The following LYPD6B variants were observed in gnomAD, a reference collection of about 807,000 sequenced individuals.
The protein encoded by LYPD6B is LY6/PLAUR domain containing 6B.
LYPD6B carries 17 observed loss-of-function variants against 22.8 expected under a neutral mutation model. That is an observed-to-expected ratio of 0.75 (90% CI 0.51 to 1.12). The LOEUF (loss-of-function observed/expected upper bound fraction) is 1.12, where lower values mean the gene tolerates loss of function less well. Ranked by LOEUF, LYPD6B falls within the 50% of genes most tolerant of loss-of-function variation. The probability of loss-of-function intolerance (pLI) is 0.00; values close to 1 mark genes in which losing one functional copy is unlikely to be tolerated. For missense variants in LYPD6B, 221 were observed against 258.3 expected (o/e 0.86, Z 0.99); for synonymous variants, 106 against 91.6 (o/e 1.16, Z -0.90).
intron 1 of LYPD6B, among the ~76,000 whole-genome samples, chr2:149,121,629 T>C (rs1687364859): frequency 6.6e-6 from 1 of 152,052 alleles, no homozygotes; most frequent in South Asian, 2.1e-4. Context: ...GAGAGGAACA[T>C]AGTGTTTCAT....
intron 2 of LYPD6B, chr2:149,141,975 A>T (rs1688721044): frequency 6.6e-6 from 1 of 152,194 alleles, no homozygotes; most frequent in Non-Finnish European, 1.5e-5. Context: ...AGAAAATAGT[A>T]CTAATTTGGA....
intron 2 of LYPD6B, among the ~76,000 whole-genome samples, chr2:149,140,615 T>C (rs1255778856): frequency 1.3e-5 from 2 of 152,224 alleles, no homozygotes; most frequent in Non-Finnish European, 2.9e-5. Flanking sequence ...AAATAATCTC[T>C]TTAAGCTTAT....
chr2:149,157,215 T>A (rs1293779235), intron 2 of LYPD6B, among the ~76,000 whole-genome samples: 1 of 152,110 alleles, frequency 6.6e-6, no homozygotes, highest in Admixed American at 6.5e-5. Flanking sequence ...TATGGGAATG[T>A]CTCCTGTTTT....
At chr2:149,131,427 A>T (rs1688022196) in intron 2 of LYPD6B, 1 of 152,526 alleles carries the variant, frequency 6.6e-6, no homozygotes, top group Non-Finnish European at 1.5e-5. Context: ...GGCAGGACCA[A>T]GTAAAAAGAC....
chr2:149,175,061 C>CTCTCTCTCTCTCTCTG (rs1454802925), intron 3 of LYPD6B, among the ~76,000 whole-genome samples: 1 of 113,080 alleles, frequency 8.8e-6, no homozygotes, highest in Non-Finnish European at 1.8e-5. Flanking sequence ...CTCTCTCTCT[C>CTCTCTCTCTCTCTCTG]TGTGTGTGTG....
At chr2:149,142,744 T>A (rs1285482864) in intron 2 of LYPD6B, among the ~76,000 whole-genome samples, 1 of 152,088 alleles carries the variant, frequency 6.6e-6, no homozygotes, top group Non-Finnish European at 1.5e-5. Context: ...TCTCAAGTGA[T>A]CCTTCCATCT....
At chr2:149,084,076 G>A (rs1293212363) in intron 1 of LYPD6B, among the ~76,000 whole-genome samples, 1 of 151,888 alleles carries the variant, frequency 6.6e-6, no homozygotes, top group Non-Finnish European at 1.5e-5. Context: ...TCCTGCCTGG[G>A]CGACAGAGCG....
chr2:149,151,764 T>C (rs111912634), intron 2 of LYPD6B, among the ~76,000 whole-genome samples: 54 of 152,326 alleles, frequency 3.5e-4, no homozygotes, highest in African/African-American at 1.2e-3. Flanking sequence ...GATTCTGATG[T>C]ACATCCCAGC....
At chr2:149,175,061 C>CTCTCTCTCTCTCTCTCTGTGTG (rs1454802925) in intron 3 of LYPD6B, among the ~76,000 whole-genome samples, 8 of 113,080 alleles carry the variant, frequency 7.1e-5, no homozygotes, top group East Asian at 5.8e-4. Flanking sequence ...CTCTCTCTCT[C>CTCTCTCTCTCTCTCTCTGTGTG]TGTGTGTGTG....
intron 2 of LYPD6B, among the ~76,000 whole-genome samples, chr2:149,144,365 A>G (rs1688881885): frequency 6.6e-6 from 1 of 151,986 alleles, no homozygotes; most frequent in Non-Finnish European, 1.5e-5. Context: ...CCTTTAGATG[A>G]AAGACTAGTT....
intron 1 of LYPD6B, among the ~76,000 whole-genome samples, chr2:149,073,770 C>T (rs1488562644): frequency 1.3e-5 from 2 of 151,976 alleles, no homozygotes; most frequent in African/African-American, 4.8e-5. Flanking sequence ...CACTCAGATT[C>T]TCTCCAGCCT....
At chr2:149,189,878 T>A (rs1190320815) in intron 3 of LYPD6B, among the ~76,000 whole-genome samples, 2 of 152,212 alleles carry the variant, frequency 1.3e-5, no homozygotes, top group Non-Finnish European at 2.9e-5. Context: ...AATGCTATTT[T>A]GTACCATCTG....
At chr2:149,040,225 T>TC (rs1477984352) in intron 1 of LYPD6B, among the ~76,000 whole-genome samples, 69 of 151,124 alleles carry the variant, frequency 4.6e-4, no homozygotes, top group Non-Finnish European at 8.9e-4. Context: ...CTCTCTCTTT[T>TC]TTTTTTTTTC....
intron 1 of LYPD6B, among the ~76,000 whole-genome samples, chr2:149,103,592 T>G (rs757604948): frequency 6.6e-6 from 1 of 152,020 alleles, no homozygotes; most frequent in Non-Finnish European, 1.5e-5. Flanking sequence ...ATCAAGATAA[T>G]GAACACATTC....
chr2:149,086,501 C>T (rs1264660307), intron 1 of LYPD6B, among the ~76,000 whole-genome samples: 1 of 152,180 alleles, frequency 6.6e-6, no homozygotes. Context: ...GCTACTCTCT[C>T]CTTCCTTTTG....
chr2:149,202,432 G>T (rs1023104871), intron 3 of LYPD6B, among the ~76,000 whole-genome samples: 2 of 151,996 alleles, frequency 1.3e-5, no homozygotes, highest in Admixed American at 6.6e-5. Context: ...CTTTTCCCTT[G>T]ATTCTTTGCT....
chr2:149,132,244 C>T (rs1454211874), intron 2 of LYPD6B, among the ~76,000 whole-genome samples: 1 of 149,616 alleles, frequency 6.7e-6, no homozygotes, highest in African/African-American at 2.5e-5. Flanking sequence ...GCCAGATTCC[C>T]TGTGTGCAAC....
chr2:149,130,754 G>A, intron 1 of LYPD6B, 129 bp from the exon 2 acceptor site: 1 of 510,350 alleles, frequency 2.0e-6, no homozygotes, highest in Non-Finnish European at 3.4e-6. Flanking sequence ...GGTTAGGAAA[G>A]GTTATTGAGC....
rs778487472 is a variant in LYPD6B at position 149,214,694 on chromosome 2, T to C, written c.608T>C (p.Val203Ala). The change falls in exon 7 of 7, where the codon GTG becomes GCG. Residue 203 changes from valine to alanine, a missense_variant. Val to Ala is a moderately conservative substitution (Grantham distance 64, BLOSUM62 0). Coordinates refer to ENST00000409642, the MANE Select transcript of LYPD6B (RefSeq NM_177964.5). ...LYLPVLAWVF[V>A]LPLL ...CTACCAGTGCTTGCCTGGGTCTTTGTGCTTCCATTGCTGTGATGCCACCAT... is the reference window on the plus strand; with the variant it reads ...CTACCAGTGCTTGCCTGGGTCTTTGCGCTTCCATTGCTGTGATGCCACCAT... 1.9e-6 allele frequency: 3 copies of C among 1,614,020 alleles called. No individual in the cohort carries two copies. The South Asian group carries it at 3.3e-5, about 18-fold the overall frequency.
Sources: gnomAD v4.1 joint callset for allele counts (sites outside exome capture counted in the v4.1 genomes callset) on GRCh38, gnomAD v4.1.1 for gene constraint, MANE v1.5 for transcripts, NCBI Gene and HGNC (gene_info 2026-07-23, HGNC 2026-07-21) for gene names.